The following TMEM114 variants were observed in gnomAD, a reference collection of about 807,000 sequenced individuals.
TMEM114 encodes transmembrane protein 114.
In TMEM114, 6 loss-of-function variants were observed where a neutral mutation model predicts 6.2. That is an observed-to-expected ratio of 0.97 (90% CI 0.53 to 1.91). The LOEUF is 1.91. Ranked by LOEUF, TMEM114 falls within the 40% of genes most tolerant of loss-of-function variation. The pLI is 0.01. For synonymous variants in TMEM114, 104 were observed against 73.0 expected (o/e 1.42, Z -2.16); for missense variants, 218 against 158.3 (o/e 1.38, Z -2.02).
chr16:8,527,472 G>A, the TMEM114 span, among the ~76,000 whole-genome samples: 7 of 152,252 alleles, frequency 4.6e-5, no homozygotes, highest in Non-Finnish European at 7.4e-5. Flanking sequence ...ACACTTCCCC[G>A]TGGATTTGCT....
At chr16:8,588,022 A>T (rs1902368674) in intron 2 of TMEM114, among the ~76,000 whole-genome samples, 1 of 152,102 alleles carries the variant, frequency 6.6e-6, no homozygotes, top group South Asian at 2.1e-4. Flanking sequence ...GCAGTGGCTC[A>T]CACCTGTAAT....
At chr16:8,568,082 A>G (rs144731186), downstream of TMEM114, among the ~76,000 whole-genome samples, 75 of 151,982 alleles carry the variant, frequency 4.9e-4, 1 homozygote, top group African/African-American at 1.8e-3. Flanking sequence ...TCTGAAGTTT[A>G]CTCCCAGTTG....
intron 2 of TMEM114, 95 bp downstream of exon 2, chr16:8,589,118 C>T (rs1902404347): frequency 2.5e-6 from 1 of 397,254 alleles, no homozygotes; most frequent in Non-Finnish European, 4.4e-6. Context: ...GCCGCCCTCT[C>T]CGCAGGCCCC....
chr16:8,549,181 CAAAA>C (rs1216258524), intron 2 of TMEM114, among the ~76,000 whole-genome samples: 3 of 49,328 alleles, frequency 6.1e-5, no homozygotes, highest in African/African-American at 2.5e-4. Context: ...GACTCCATCT[CAAAA>C]AAAAAAAAAA....
intron 2 of TMEM114, among the ~76,000 whole-genome samples, chr16:8,554,298 G>A (rs1035988563): frequency 9.2e-5 from 14 of 152,088 alleles, no homozygotes; most frequent in African/African-American, 3.1e-4. Context: ...GCTCAAGCCT[G>A]CAATTCCAGC....
In TMEM114 at chr16:8,589,740, A is replaced by T. The variant is rs1208858903; in HGVS notation, c.99T>A (p.Tyr33Ter). The T allele has an allele frequency of 7.5e-6, 3 of 398,402 alleles. No individual in the cohort carries two copies. The highest frequency in any genetic ancestry group is 7.1e-5 in the East Asian group (2 of 28,062). 24.7% of individuals were successfully genotyped at this position (398,402 alleles called of 1,614,324 possible). A position where few individuals can be genotyped will look rare whatever the true frequency, so the allele number is the denominator to read the frequency against. The part of the protein sequence containing the change: ...LAAAIGTDFW[Y>*]IIDTERLERT... ...TCTCCAGCCGCTCGGTGTCAATGAT[A>T]TACCAGAAGTCCGTGCCGATGGCGG... is the stretch of plus-strand genomic sequence containing the variant. The change falls in exon 1 of 4, where the codon TAT becomes TAA. Residue 33 changes from tyrosine (Y) to a stop codon, truncating the protein, a stop_gained. Coordinates refer to ENST00000620492, the MANE Select transcript of TMEM114 (RefSeq NM_001146336.2). LOFTEE classifies it high-confidence loss of function.
downstream of TMEM114, among the ~76,000 whole-genome samples, chr16:8,536,257 C>T (rs1366030038): frequency 6.6e-6 from 1 of 151,726 alleles, no homozygotes; most frequent in East Asian, 1.9e-4. Context: ...GGTTGAAACA[C>T]ATCCTGAATC....
chr16:8,551,374 C>A (rs550776234), intron 2 of TMEM114, among the ~76,000 whole-genome samples: 5 of 152,188 alleles, frequency 3.3e-5, no homozygotes, highest in African/African-American at 1.2e-4. Flanking sequence ...GGGACCCTGA[C>A]TGAGCAAGTG....
At chr16:8,559,971 C>T (rs990341636) in intron 2 of TMEM114, among the ~76,000 whole-genome samples, 13 of 152,080 alleles carry the variant, frequency 8.5e-5, no homozygotes, top group African/African-American at 2.4e-4. Context: ...CGTCTCTGTT[C>T]TGGAAACTTC....
At chr16:8,556,351 G>A (rs72776596) in intron 2 of TMEM114, among the ~76,000 whole-genome samples, 2 of 152,112 alleles carry the variant, frequency 1.3e-5, no homozygotes, top group African/African-American at 2.4e-5. Context: ...TCCCCACTGG[G>A]TTTCCTTTTG....
chr16:8,569,975 T>C lies in TMEM114; in HGVS notation c.470A>G (p.Tyr157Cys). Residue 157 changes from tyrosine (Y) to cysteine (C), a missense_variant, in exon 4 of 4, where the codon TAC (tyrosine) becomes TGC (cysteine). Transcript: ENST00000620492. ...GAAGGCGGCGGCTGAATACGCTATG[T>C]AGACGCTGATCCCAGCGAGGGTCAC... ...AMVTLAGISV[Y>C]IAYSAAAFRE... The C allele has an allele frequency of 6.4e-7, 1 of 1,550,770 alleles. No homozygotes were observed. Among genetic ancestry groups the C allele is most frequent in the South Asian group, 1.2e-5 (1 of 84,056 alleles).
At chr16:8,554,268 G>T (rs35591759) in intron 2 of TMEM114, among the ~76,000 whole-genome samples, 48,622 of 151,736 alleles carry the variant, frequency 0.32, 8,143 homozygotes, top group African/African-American at 0.39. Context: ...GGAAAAAAAG[G>T]GGTAGGGGCG....
chr16:8,569,202 G>T (rs903088911), downstream of TMEM114, among the ~76,000 whole-genome samples: 2 of 152,204 alleles, frequency 1.3e-5, no homozygotes, highest in Non-Finnish European at 2.9e-5. Flanking sequence ...GACGGAAAAG[G>T]TATGATTAGT....
intron 2 of TMEM114, among the ~76,000 whole-genome samples, chr16:8,561,221 C>T (rs1901188495): frequency 6.6e-6 from 1 of 152,216 alleles, no homozygotes. Flanking sequence ...AGGGAGATTC[C>T]CCTTCCCTTG....
chr16:8,527,621 T>G, the TMEM114 span, among the ~76,000 whole-genome samples: 1 of 152,182 alleles, frequency 6.6e-6, no homozygotes, highest in Non-Finnish European at 1.5e-5. Flanking sequence ...ACTAAGCCCC[T>G]TTCTTGTTCT....
At chr16:8,562,477 T>G (rs553385822) in intron 2 of TMEM114, among the ~76,000 whole-genome samples, 34 of 149,788 alleles carry the variant, frequency 2.3e-4, no homozygotes, top group Admixed American at 2.1e-3. Flanking sequence ...AGGGAATGAG[T>G]GAGTGAATGA....
intron 2 of TMEM114, among the ~76,000 whole-genome samples, chr16:8,561,268 G>A (rs1293073862): frequency 6.6e-6 from 1 of 152,212 alleles, no homozygotes; most frequent in Non-Finnish European, 1.5e-5. Flanking sequence ...TATTGAGCTA[G>A]TTAATCAAGG....
chr16:8,550,409 G>C (rs886223773), intron 2 of TMEM114, among the ~76,000 whole-genome samples: 9 of 152,044 alleles, frequency 5.9e-5, no homozygotes, highest in Non-Finnish European at 1.0e-4. Context: ...GGCCGGGTGC[G>C]GTGGCTCACG....
At chr16:8,535,935 A>T (rs186970870), downstream of TMEM114, among the ~76,000 whole-genome samples, 2 of 152,290 alleles carry the variant, frequency 1.3e-5, no homozygotes, top group Admixed American at 6.5e-5. Flanking sequence ...TTCAAAAATG[A>T]AGGGAGTGGG....
Sources: allele counts gnomAD v4.1 joint callset (sites outside exome capture counted in the v4.1 genomes callset), GRCh38; gene constraint gnomAD v4.1.1; transcripts MANE v1.5; gene names NCBI Gene and HGNC (gene_info 2026-07-23, HGNC 2026-07-21).